Variants in ABR observed in about 807,000 individuals in gnomAD.
The protein encoded by ABR is active breakpoint cluster region-related protein.
Under a neutral mutation model 107.2 loss-of-function variants are expected in ABR, and 35 were observed. The ratio of observed to expected loss-of-function variants is 0.33; its 90% CI spans 0.25 to 0.43. The LOEUF is 0.43. ABR is among the 20% of genes least tolerant of loss of function. ABR has a pLI of 1.00. For missense variants in ABR, 815 were observed against 1,115.2 expected (o/e 0.73, Z 3.83); for synonymous variants, 498 against 462.0 (o/e 1.08, Z -1.00).
At chr17:1,175,335 C>T (rs777169625) in intron 1 of ABR, among the ~76,000 whole-genome samples, 7 of 152,160 alleles carry the variant, frequency 4.6e-5, no homozygotes, top group East Asian at 1.9e-4. Flanking sequence ...TCGCTTGAAC[C>T]GGGGAGGCGG....
intron 11 of ABR, 124 bp downstream of exon 11, chr17:1,058,621 G>A: frequency 3.1e-6 from 4 of 1,287,496 alleles, no homozygotes; most frequent in Non-Finnish European, 1.1e-6. Context: ...TGGAGCCATG[G>A]CAGCCTCCTC....
At chr17:1,061,007 CAA>C (rs1345800921) in intron 10 of ABR, among the ~76,000 whole-genome samples, 1 of 151,304 alleles carries the variant, frequency 6.6e-6, no homozygotes, top group Non-Finnish European at 1.5e-5. Flanking sequence ...CAAAAAAAAA[CAA>C]AAAACAAAAA....
chr17:1,216,559 A>G (rs2043014475), intron 1 of ABR, among the ~76,000 whole-genome samples: 1 of 152,222 alleles, frequency 6.6e-6, no homozygotes, highest in African/African-American at 2.4e-5. Flanking sequence ...CCATCTTTCA[A>G]GAAAATCCAG....
At chr17:1,079,508 G>A (rs2036037064) in intron 5 of ABR, 118 bp from the exon 6 acceptor site, 1 of 948,872 alleles carries the variant, frequency 1.1e-6, no homozygotes, top group East Asian at 2.7e-5. Context: ...GAGAACAGAG[G>A]CCGGGTGTGG....
intron 5 of ABR, among the ~76,000 whole-genome samples, chr17:1,079,931 G>A (rs946604426): frequency 1.3e-5 from 2 of 151,718 alleles, no homozygotes; most frequent in Non-Finnish European, 2.9e-5. Flanking sequence ...TGGCTGGGGC[G>A]TGGGCAAGAA....
chr17:1,167,379 G>A (rs1264242290), intron 1 of ABR, among the ~76,000 whole-genome samples: 1 of 152,010 alleles, frequency 6.6e-6, no homozygotes, highest in East Asian at 1.9e-4. Flanking sequence ...CATCTTCATA[G>A]CCACCCCTGA....
At chr17:1,067,394 G>T in intron 9 of ABR, 152 bp from the exon 10 acceptor site, 1 of 805,224 alleles carries the variant, frequency 1.2e-6, no homozygotes, top group Non-Finnish European at 1.9e-6. Context: ...GCCTGATTGG[G>T]AAACACACAC....
intron 1 of ABR, among the ~76,000 whole-genome samples, chr17:1,215,287 G>T (rs893816981): frequency 2.6e-5 from 4 of 151,038 alleles, no homozygotes; most frequent in Admixed American, 2.6e-4. Flanking sequence ...CTCTGATGCC[G>T]AGCCGAAGCT....
intron 1 of ABR, among the ~76,000 whole-genome samples, chr17:1,138,509 G>A (rs993693270): frequency 1.3e-5 from 2 of 151,390 alleles, no homozygotes; most frequent in Non-Finnish European, 2.9e-5. Context: ...ACAGAGTCTC[G>A]CTCTGTTGCC....
At chr17:1,048,889 A>C (rs1462422412) in intron 16 of ABR, among the ~76,000 whole-genome samples, 1 of 152,222 alleles carries the variant, frequency 6.6e-6, no homozygotes, top group Non-Finnish European at 1.5e-5. Flanking sequence ...CAACCTCAGT[A>C]CGGGTCAGTT....
intron 16 of ABR, chr17:1,031,573 C>CCG: frequency 1.7e-6 from 2 of 1,198,104 alleles, no homozygotes; most frequent in Non-Finnish European, 2.1e-6. Context: ...CCCCACCCCC[C>CCG]GGAACCTCCA....
At chr17:1,009,929 G>C in intron 20 of ABR, 145 bp from the exon 21 acceptor site, 1 of 675,202 alleles carries the variant, frequency 1.5e-6, no homozygotes, top group East Asian at 2.7e-5. Flanking sequence ...AGGGCCTGGT[G>C]TCTGGGTGGG....
intron 3 of ABR, among the ~76,000 whole-genome samples, chr17:1,096,217 G>A (rs1469532410): frequency 2.6e-5 from 4 of 152,174 alleles, no homozygotes; most frequent in Non-Finnish European, 5.9e-5. Context: ...AGGCCAGGAC[G>A]GAGGCTTCTG....
rs941466859 is a variant in ABR, at chr17:1,079,203, A to G, written c.700+127T>C. 11 of 1,487,962 alleles carry G rather than the reference A, an allele frequency of 7.4e-6. No homozygotes were observed. The Admixed American group carries it at 1.2e-4, about 17-fold the overall frequency. The allele number at this position is 1,487,962 out of a possible 1,614,324, so 92.2% of individuals were successfully genotyped here. ...AGCTCACACTCACACGCGCTCACAC[A>G]CGCTCACGCTCACACGCGCTCACAC... is the stretch of plus-strand genomic sequence containing the variant. On this transcript the variant is annotated intron_variant, in intron 6 of 22. Coordinates refer to ENST00000302538, the MANE Select transcript of ABR (RefSeq NM_021962.5).
At chr17:1,087,724 A>G (rs2260606) in intron 4 of ABR, among the ~76,000 whole-genome samples, 5,431 of 152,040 alleles carry the variant, frequency 0.036, 333 homozygotes, top group African/African-American at 0.12. Context: ...ATATTCTTCC[A>G]GGAAAAGGCT....
At chr17:1,031,529 C>CCCT in intron 16 of ABR, 1 of 329,844 alleles carries the variant, frequency 3.0e-6, no homozygotes, top group Non-Finnish European at 4.9e-6. Context: ...CCCGCAGCCC[C>CCCT]CGCAGCCCCC....
intron 2 of ABR, among the ~76,000 whole-genome samples, chr17:1,109,606 G>C (rs1017979857): frequency 6.6e-6 from 1 of 151,968 alleles, no homozygotes; most frequent in African/African-American, 2.4e-5. Context: ...GCGCGCGGCC[G>C]AGCCAGGAGC....
At chr17:1,161,319 G>A (rs1021724510) in intron 1 of ABR, among the ~76,000 whole-genome samples, 3 of 151,574 alleles carry the variant, frequency 2.0e-5, no homozygotes, top group African/African-American at 7.3e-5. Flanking sequence ...ACAGCTCACT[G>A]TAAGCTCAAA....
chr17:1,206,757 T>C lies in ABR; in HGVS notation c.838+22036A>G, dbSNP rs563589857. ...TTTCACCATGTCTCCAAAAATATTT[T>C]GTGAAATTTGTGAAACTCCATCTCT... On this transcript the variant is annotated intron_variant, in intron 1 of 22. Coordinates refer to the ABR transcript ENST00000574139. Among the ~76,000 whole-genome samples the C allele has an allele frequency of 5.9e-5, 9 of 152,148 alleles. No individual in the cohort carries two copies. In the East Asian group the frequency reaches 1.5e-3, roughly 26 times the overall value.
Sources: allele counts gnomAD v4.1 joint callset (sites outside exome capture counted in the v4.1 genomes callset), GRCh38; gene constraint gnomAD v4.1.1; transcripts MANE v1.5; gene names NCBI Gene and HGNC (gene_info 2026-07-23, HGNC 2026-07-21).